Variants in AUTS2 observed in about 807,000 individuals in gnomAD.
AUTS2 encodes the protein activator of transcription and developmental regulator AUTS2.
AUTS2 carries 17 observed loss-of-function variants against 112.4 expected under a neutral mutation model. That is an observed-to-expected ratio of 0.15 (90% CI 0.10 to 0.23). The LOEUF (loss-of-function observed/expected upper bound fraction) is 0.23, where lower values mean the gene tolerates loss of function less well. Ranked by LOEUF, AUTS2 falls within the 10% of genes least tolerant of loss-of-function variation. AUTS2 has a pLI of 1.00. For missense variants in AUTS2, 1,510 were observed against 1,701.6 expected, an observed-to-expected ratio of 0.89 and a Z score of 1.98; for synonymous variants, 751 against 702.7, an observed-to-expected ratio of 1.07 and a Z score of -1.09.
At chr7:69,655,799 G>T (rs555847228) in intron 1 of AUTS2, among the ~76,000 whole-genome samples, 2 of 152,150 alleles carry the variant, frequency 1.3e-5, no homozygotes, top group African/African-American at 2.4e-5. Flanking sequence ...CTGGGGACCT[G>T]TTTAGGAGAA....
chr7:70,566,326 G>A (rs748827976), intron 5 of AUTS2, among the ~76,000 whole-genome samples: 10 of 152,124 alleles, frequency 6.6e-5, no homozygotes, highest in Non-Finnish European at 1.3e-4. Flanking sequence ...GGAGAGGAAA[G>A]GTGTATTTCT....
chr7:70,672,199 G>T lies in AUTS2; in HGVS notation c.691-26370G>T, dbSNP rs546690051. 3.9e-5 allele frequency among the ~76,000 whole-genome samples: 6 copies of T among 152,340 alleles called. No homozygotes were observed. The East Asian group carries it at 9.6e-4, about 24-fold the overall frequency. The stretch of plus-strand genomic sequence containing the variant: ...CAGAAGTGTAAGGCAGGAGGAGCTG[G>T]AGTCTTGGGAGCCCCCTACTTGGAA... On this transcript the variant is annotated intron_variant, in intron 5 of 18. Coordinates refer to ENST00000342771, the MANE Select transcript of AUTS2 (RefSeq NM_015570.4).
chr7:70,321,612 A>T (rs1048966850), intron 4 of AUTS2, among the ~76,000 whole-genome samples: 1 of 152,152 alleles, frequency 6.6e-6, no homozygotes, highest in African/African-American at 2.4e-5. Flanking sequence ...CCTCCCACAA[A>T]AAAACAGCAT....
At chr7:69,888,282 G>T (rs886478945) in intron 1 of AUTS2, among the ~76,000 whole-genome samples, 3 of 151,788 alleles carry the variant, frequency 2.0e-5, no homozygotes, top group Admixed American at 2.0e-4. Context: ...TTATGGTGGA[G>T]TTCTCATGTG....
intron 2 of AUTS2, among the ~76,000 whole-genome samples, chr7:69,938,415 A>G (rs758428248): frequency 9.2e-5 from 14 of 152,206 alleles, no homozygotes; most frequent in Non-Finnish European, 1.8e-4. Flanking sequence ...TTGCTGTTGC[A>G]GGAGGAAAGT....
intron 4 of AUTS2, among the ~76,000 whole-genome samples, chr7:70,244,993 G>A (rs1363786911): frequency 6.6e-6 from 1 of 151,278 alleles, no homozygotes; most frequent in Non-Finnish European, 1.5e-5. Context: ...GGTGGCGCAT[G>A]CCTGTAATCC....
intron 2 of AUTS2, among the ~76,000 whole-genome samples, chr7:69,988,605 C>G (rs1443049305): frequency 3.3e-5 from 5 of 151,992 alleles, no homozygotes; most frequent in Admixed American, 3.3e-4. Flanking sequence ...ATGTAGAACT[C>G]TGTCTGGAAG....
At chr7:69,910,704 C>T (rs1265523546) in intron 2 of AUTS2, among the ~76,000 whole-genome samples, 3 of 152,188 alleles carry the variant, frequency 2.0e-5, no homozygotes, top group Non-Finnish European at 4.4e-5. Flanking sequence ...TCTCAGCTCA[C>T]TGCAACCTCT....
At position 69,890,296 on chromosome 7, in the gene AUTS2, G is replaced by A. The variant is rs1194585076; in HGVS notation, c.310-8990G>A. Among the ~76,000 whole-genome samples the A allele has an allele frequency of 2.0e-5, 3 of 152,164 alleles. No individual in the cohort carries two copies. In the East Asian group the frequency reaches 5.8e-4, roughly 29 times the overall value. On this transcript the variant is annotated intron_variant, in intron 1 of 18. Transcript: ENST00000342771. ...CGGATAGTCGTGACCTCATCCCACAGCTGAGTTTAGGAGAGCTTCTCAGTG... is the reference window on the plus strand; with the variant it reads ...CGGATAGTCGTGACCTCATCCCACAACTGAGTTTAGGAGAGCTTCTCAGTG...
At chr7:70,177,171 T>C (rs1300759995) in intron 4 of AUTS2, among the ~76,000 whole-genome samples, 1 of 152,232 alleles carries the variant, frequency 6.6e-6, no homozygotes. Flanking sequence ...TAAATAATAG[T>C]AATCCTGATG....
intron 4 of AUTS2, among the ~76,000 whole-genome samples, chr7:70,357,176 T>C (rs1792049816): frequency 6.6e-6 from 1 of 152,146 alleles, no homozygotes; most frequent in Non-Finnish European, 1.5e-5. Flanking sequence ...TTGGTGGTAA[T>C]GAAGTAGGCA....
At chr7:70,304,685 T>C (rs1324801136) in intron 4 of AUTS2, among the ~76,000 whole-genome samples, 2 of 151,614 alleles carry the variant, frequency 1.3e-5, no homozygotes, top group East Asian at 3.9e-4. Flanking sequence ...ATATTTGAAA[T>C]ACTTGAGACC....
At chr7:70,112,999 T>G (rs1328657564) in intron 2 of AUTS2, among the ~76,000 whole-genome samples, 1 of 152,102 alleles carries the variant, frequency 6.6e-6, no homozygotes, top group African/African-American at 2.4e-5. Context: ...AACGTTTAAA[T>G]TTTACTAATG....
intron 2 of AUTS2, among the ~76,000 whole-genome samples, chr7:70,116,314 A>G (rs1805353527): frequency 6.6e-6 from 1 of 152,190 alleles, no homozygotes; most frequent in Admixed American, 6.5e-5. Context: ...GATAGCAAAA[A>G]AGAATGCCTT....
At chr7:70,413,738 C>T (rs540351432) in intron 4 of AUTS2, among the ~76,000 whole-genome samples, 4 of 152,172 alleles carry the variant, frequency 2.6e-5, no homozygotes, top group Middle Eastern at 3.4e-3. Context: ...AGGGCAGTGG[C>T]GTGATCTCAG....
intron 2 of AUTS2, among the ~76,000 whole-genome samples, chr7:69,942,726 C>T (rs921466669): frequency 2.0e-5 from 3 of 152,204 alleles, no homozygotes; most frequent in Non-Finnish European, 4.4e-5. Context: ...TAGCATATTT[C>T]AACTGGTGAT....
chr7:70,507,384 A>G (rs1336684606), intron 5 of AUTS2, among the ~76,000 whole-genome samples: 1 of 152,158 alleles, frequency 6.6e-6, no homozygotes, highest in African/African-American at 2.4e-5. Flanking sequence ...TTTTAAAATT[A>G]GAAAAAAAAG....
intron 2 of AUTS2, among the ~76,000 whole-genome samples, chr7:70,089,075 G>A (rs79559032): frequency 9.9e-5 from 15 of 152,020 alleles, no homozygotes; most frequent in Admixed American, 2.0e-4. Flanking sequence ...TTCTGCTGTC[G>A]TTGGGCTGAA....
At chr7:70,655,226 C>T (rs1045295822) in intron 5 of AUTS2, among the ~76,000 whole-genome samples, 1 of 152,234 alleles carries the variant, frequency 6.6e-6, no homozygotes, top group African/African-American at 2.4e-5. Flanking sequence ...CATGACAGGC[C>T]CCTCAGAACT....
Sources: gnomAD v4.1 joint callset for allele counts (sites outside exome capture counted in the v4.1 genomes callset) on GRCh38, gnomAD v4.1.1 for gene constraint, MANE v1.5 for transcripts, NCBI Gene and HGNC (gene_info 2026-07-23, HGNC 2026-07-21) for gene names.